The following TTC23L variants were observed in gnomAD, a reference collection of about 807,000 sequenced individuals.
TTC23L encodes tetratricopeptide repeat domain 23 like.
TTC23L carries 42 observed loss-of-function variants against 48.1 expected under a neutral mutation model. The observed-to-expected ratio is 0.87, with a 90% CI of 0.68 to 1.13. The LOEUF is 1.13. Among genes scored for constraint, TTC23L ranks in the 50% most tolerant of loss-of-function variants. The pLI is 0.00. For missense variants in TTC23L, 391 were observed against 421.0 expected, an observed-to-expected ratio of 0.93 and a Z score of 0.62; for synonymous variants, 159 against 157.2, an observed-to-expected ratio of 1.01 and a Z score of -0.09.
At chr5:34,902,557 T>C (rs1763533758), downstream of TTC23L, 1 of 179,182 alleles carries the variant, frequency 5.6e-6, no homozygotes, top group Non-Finnish European at 1.2e-5. Flanking sequence ...ATTTCAGTCA[T>C]TTGTTCAGCC....
intron 10 of TTC23L, among the ~76,000 whole-genome samples, chr5:34,897,508 T>G (rs1426599500): frequency 2.0e-5 from 3 of 152,184 alleles, no homozygotes; most frequent in Non-Finnish European, 2.9e-5. Flanking sequence ...AAATTTGTAG[T>G]GACGAGGTCT....
chr5:34,858,197 G>A (rs926287847), intron 4 of TTC23L, among the ~76,000 whole-genome samples: 2 of 152,162 alleles, frequency 1.3e-5, no homozygotes, highest in African/African-American at 2.4e-5. Context: ...GTCAGTGCAG[G>A]TAGAAGGGTG....
intron 9 of TTC23L, among the ~76,000 whole-genome samples, chr5:34,896,121 G>C (rs1256514479): frequency 6.6e-6 from 1 of 152,170 alleles, no homozygotes; most frequent in Non-Finnish European, 1.5e-5. Flanking sequence ...TTAGTTCCCT[G>C]CTTGAGGGTC....
chr5:34,863,740 G>A lies in TTC23L; in HGVS notation c.536+686G>A, dbSNP rs1760848505. ...TATATGTGCCTTTCCTCAGAACTGGGGATTCTGACAGCCTGTTGTACCATC... is the reference window on the plus strand; with the variant it reads ...TATATGTGCCTTTCCTCAGAACTGGAGATTCTGACAGCCTGTTGTACCATC... On this transcript the variant is annotated intron_variant, in intron 5 of 10. Transcript: ENST00000505624. The surrounding 1 kb of genome is among the most constrained non-coding windows in gnomAD (Gnocchi z 4.1). Among the ~76,000 whole-genome samples the A allele has an allele frequency of 6.6e-6, 1 of 152,110 alleles. No individual in the cohort carries two copies. Among genetic ancestry groups the A allele is most frequent in the African/African-American group, 2.4e-5 (1 of 41,420 alleles).
chr5:34,847,704 G>A (rs1269260685), intron 3 of TTC23L, among the ~76,000 whole-genome samples: 6 of 152,070 alleles, frequency 3.9e-5, no homozygotes, highest in African/African-American at 9.7e-5. Flanking sequence ...CTTCTTCCTC[G>A]AAAGAGAACT....
chr5:34,913,972 A>T, the TTC23L span: 2 of 456,962 alleles, frequency 4.4e-6, no homozygotes, highest in South Asian at 3.1e-5. Context: ...TTCGTGCTTC[A>T]GCCTCGGTCT....
the TTC23L span, chr5:34,906,378 C>G: frequency 6.6e-6 from 1 of 152,138 alleles, no homozygotes; most frequent in Non-Finnish European, 1.5e-5. Context: ...ATAGCTCACG[C>G]CTGTAATCCC....
the TTC23L span, chr5:34,909,414 C>A: frequency 8.1e-7 from 1 of 1,228,870 alleles, no homozygotes. Flanking sequence ...ACATTAGGAT[C>A]CAAATAAAGA....
chr5:34,915,773 T>G, the TTC23L span: 1 of 1,602,198 alleles, frequency 6.2e-7, no homozygotes, highest in South Asian at 1.1e-5. Flanking sequence ...CGTGGAGGCT[T>G]TGCAGTTCAG....
At chr5:34,908,204 GCT>G in the TTC23L span, 1 of 98,800 alleles carries the variant, frequency 1.0e-5, no homozygotes, top group East Asian at 2.8e-4. Context: ...GCAGAGTTTT[GCT>G]CTTATTGCCT....
chr5:34,864,177 C>T (rs181585818), intron 5 of TTC23L, among the ~76,000 whole-genome samples: 2 of 152,312 alleles, frequency 1.3e-5, no homozygotes, highest in African/African-American at 2.4e-5. Flanking sequence ...TTTACAGTTT[C>T]CGCTCACTCC....
intron 1 of TTC23L, among the ~76,000 whole-genome samples, chr5:34,839,971 G>A (rs181278323): frequency 0.01 from 1,525 of 152,288 alleles, 12 homozygotes; most frequent in African/African-American, 0.027. Flanking sequence ...GCAGTGGCGC[G>A]ATCTCCGCCT....
chr5:34,857,523 C>T (rs1760228101), intron 4 of TTC23L, among the ~76,000 whole-genome samples: 2 of 152,108 alleles, frequency 1.3e-5, no homozygotes, highest in South Asian at 4.1e-4. Flanking sequence ...TGATACCTAC[C>T]TGAAGTGAGT....
intron 9 of TTC23L, among the ~76,000 whole-genome samples, chr5:34,896,273 G>C (rs770086491): frequency 6.6e-6 from 1 of 152,224 alleles, no homozygotes; most frequent in African/African-American, 2.4e-5. Flanking sequence ...GGATAGCATG[G>C]AATAGGGCAG....
chr5:34,901,036 A>G (rs764445603), downstream of TTC23L, among the ~76,000 whole-genome samples: 1 of 152,230 alleles, frequency 6.6e-6, no homozygotes, highest in African/African-American at 2.4e-5. Flanking sequence ...GAATGGCACC[A>G]TGTACTGTAT....
the TTC23L span, chr5:34,918,336 A>G: frequency 8.3e-7 from 1 of 1,200,812 alleles, no homozygotes; most frequent in Non-Finnish European, 1.2e-6. Flanking sequence ...AAGATTTTAA[A>G]ATCTTTTAAC....
chr5:34,913,474 C>A, the TTC23L span: 1 of 1,549,644 alleles, frequency 6.5e-7, no homozygotes, highest in Non-Finnish European at 8.8e-7. Context: ...GTTTACCTGG[C>A]ATAGGACTTG....
intron 6 of TTC23L, 139 bp from the exon 7 acceptor site, chr5:34,866,753 A>G: frequency 1.4e-6 from 1 of 710,962 alleles, no homozygotes. Context: ...TATTTACAGC[A>G]AGGCTAGATT....
At chr5:34,885,895 A>C (rs895195844) in intron 9 of TTC23L, among the ~76,000 whole-genome samples, 2 of 152,214 alleles carry the variant, frequency 1.3e-5, no homozygotes, top group African/African-American at 4.8e-5. Flanking sequence ...AAACGTGGCA[A>C]AATTGTAGCA....
Sources: allele counts gnomAD v4.1 joint callset (sites outside exome capture counted in the v4.1 genomes callset), GRCh38; gene constraint gnomAD v4.1.1; non-coding constraint Gnocchi (gnomAD v3.1); transcripts MANE v1.5; gene names NCBI Gene and HGNC (gene_info 2026-07-23, HGNC 2026-07-21).